CEP97: variants seen among roughly 807,000 people sequenced by gnomAD.
CEP97 encodes centrosomal protein 97.
CEP97 carries 43 observed loss-of-function variants against 73.1 expected under a neutral mutation model. That is an observed-to-expected ratio of 0.59 (90% CI 0.46 to 0.76). CEP97 has a LOEUF of 0.76. CEP97 is among the 30% of genes least tolerant of loss of function. The pLI is 0.00. For synonymous variants in CEP97, 337 were observed against 370.0 expected, an observed-to-expected ratio of 0.91 and a Z score of 1.02; for missense variants, 939 against 1,014.0, an observed-to-expected ratio of 0.93 and a Z score of 1.00.
At chr3:101,739,100 C>T (rs1938367352) in intron 6 of CEP97, among the ~76,000 whole-genome samples, 2 of 152,108 alleles carry the variant, frequency 1.3e-5, no homozygotes, top group Non-Finnish European at 2.9e-5. Context: ...GACACATACA[C>T]CCACCCAAGA....
chr3:101,728,666 A>G (rs1167672292), intron 3 of CEP97, 170 bp from the exon 4 acceptor site: 1 of 593,320 alleles, frequency 1.7e-6, no homozygotes, highest in Non-Finnish European at 3.0e-6. Context: ...TTACAACCTG[A>G]CAATCTACTA....
At chr3:101,750,616 C>A (rs929786876) in intron 6 of CEP97, among the ~76,000 whole-genome samples, 3 of 152,178 alleles carry the variant, frequency 2.0e-5, no homozygotes, top group African/African-American at 7.2e-5. Flanking sequence ...TTCAGAGATT[C>A]AACTTCTTCC....
At chr3:101,754,521 A>T (rs1244838491) in intron 6 of CEP97, among the ~76,000 whole-genome samples, 1 of 152,134 alleles carries the variant, frequency 6.6e-6, no homozygotes, top group Non-Finnish European at 1.5e-5. Flanking sequence ...GCAGCAGTAT[A>T]TTATTATGGC....
chr3:101,735,688 G>A (rs763871128), intron 6 of CEP97, among the ~76,000 whole-genome samples: 23 of 152,136 alleles, frequency 1.5e-4, no homozygotes, highest in Non-Finnish European at 1.3e-4. Flanking sequence ...TTTTCCCATG[G>A]TCTTCACAAC....
At chr3:101,757,594 A>C in intron 8 of CEP97, 40 bp from the exon 9 acceptor site, 9 of 1,531,236 alleles carry the variant, frequency 5.9e-6, no homozygotes, top group Non-Finnish European at 8.0e-6. Context: ...TAAAATGTAA[A>C]CATTTAGTGG....
Position 101,765,775 on chromosome 3 carries a change from T to G in CEP97, c.*224T>G. ...CTGTAAGGTACCAAACTATTTATAT[T>G]GAAAGCTATATGCACTTTATTTCTT... On this transcript the variant is annotated 3_prime_UTR_variant, in exon 11 of 11. Coordinates refer to ENST00000341893, the MANE Select transcript of CEP97 (RefSeq NM_024548.4). 3 of 473,816 alleles carry G rather than the reference T, an allele frequency of 6.3e-6. No individual in the cohort carries two copies. The highest frequency in any genetic ancestry group is 1.1e-5 in the Non-Finnish European group (3 of 268,744). The allele number at this position is 473,816 out of a possible 1,614,324, so 29.4% of individuals were successfully genotyped here.
chr3:101,727,615 T>G, intron 3 of CEP97, 74 bp downstream of exon 3: 1 of 1,410,952 alleles, frequency 7.1e-7, no homozygotes, highest in Non-Finnish European at 9.6e-7. Context: ...ATAAGTCAAA[T>G]TAAAAAGTGA....
intron 6 of CEP97, among the ~76,000 whole-genome samples, chr3:101,750,597 A>G (rs1210090138): frequency 1.3e-5 from 2 of 152,084 alleles, no homozygotes; most frequent in African/African-American, 4.8e-5. Context: ...AGAGCCTGTT[A>G]TTGGTCTGTT....
At chr3:101,740,466 AG>A (rs1023049161) in intron 6 of CEP97, among the ~76,000 whole-genome samples, 5 of 152,230 alleles carry the variant, frequency 3.3e-5, no homozygotes, top group African/African-American at 1.2e-4. Context: ...GAAATAAGAG[AG>A]GACACAAACA....
At chr3:101,726,099 G>T (rs1438848880) in intron 1 of CEP97, among the ~76,000 whole-genome samples, 1 of 151,996 alleles carries the variant, frequency 6.6e-6, no homozygotes, top group Admixed American at 6.6e-5. Context: ...CTATTCATAT[G>T]GTTTCTCTTT....
intron 4 of CEP97, among the ~76,000 whole-genome samples, chr3:101,729,588 A>AT (rs1416042707): frequency 3.3e-5 from 5 of 150,118 alleles, no homozygotes; most frequent in East Asian, 1.9e-4. Context: ...GTCTGTCTTT[A>AT]TTTTTTTTTG....
chr3:101,755,737 G>A (rs1938986611), intron 7 of CEP97, 143 bp downstream of exon 7: 1 of 767,600 alleles, frequency 1.3e-6, no homozygotes, highest in Admixed American at 2.3e-5. Context: ...AACAGTTCCT[G>A]CAGGGAAGCT....
chr3:101,764,971 A>T lies in CEP97; in HGVS notation c.2018A>T (p.Glu673Val). ...CATCCATTATTTACCCAAAGCCAGG[A>T]GTCCTCTTGTGATCAAAATGCTGAT... ...SKHPLFTQSQ[E>V]SSCDQNADWF... Residue 673 changes from glutamate (E) to valine (V), a missense_variant, in exon 11 of 11, where the codon GAG becomes GTG. Coordinates refer to ENST00000341893, the MANE Select transcript of CEP97 (RefSeq NM_024548.4). 6.2e-7 allele frequency: 1 copy of T among 1,614,210 alleles called. No individual in the cohort carries two copies.
chr3:101,753,560 G>T (rs1018049246), intron 6 of CEP97, among the ~76,000 whole-genome samples: 142 of 152,376 alleles, frequency 9.3e-4, no homozygotes, highest in African/African-American at 3.0e-3. Flanking sequence ...GCTCCACCCA[G>T]TTCGGGCTTC....
chr3:101,763,685 T>C (rs945358519), intron 10 of CEP97, among the ~76,000 whole-genome samples: 1 of 152,214 alleles, frequency 6.6e-6, no homozygotes, highest in African/African-American at 2.4e-5. Flanking sequence ...CTTTAGAAAT[T>C]AGGGGTCATA....
intron 6 of CEP97, among the ~76,000 whole-genome samples, chr3:101,744,048 A>G (rs1014964340): frequency 1.3e-5 from 2 of 151,996 alleles, no homozygotes; most frequent in Non-Finnish European, 2.9e-5. Context: ...ATGTGGTGCA[A>G]TTGGAATGCT....
In CEP97 at chr3:101,769,839, C is replaced by G. The variant is rs1939416303; in HGVS notation, c.*4288C>G. Reference sequence around the variant, plus strand: ...GCTTTTACTGATCAAGCTTGTTGTGCCATATTAAAATTAAAAGTCAAATAA... The same window carrying G: ...GCTTTTACTGATCAAGCTTGTTGTGGCATATTAAAATTAAAAGTCAAATAA... On this transcript the variant is annotated 3_prime_UTR_variant, in exon 11 of 11. Coordinates refer to ENST00000341893, the MANE Select transcript of CEP97 (RefSeq NM_024548.4). The G allele has an allele frequency of 6.6e-6, 1 of 152,058 alleles. No individual in the cohort carries two copies. Among genetic ancestry groups the G allele is most frequent in the Admixed American group, 6.5e-5 (1 of 15,270 alleles). The allele number at this position is 152,058 out of a possible 1,614,324, so 9.4% of individuals were successfully genotyped here.
intron 1 of CEP97, 48 bp from the exon 2 acceptor site, chr3:101,726,546 C>T: frequency 6.8e-7 from 1 of 1,463,544 alleles, no homozygotes; most frequent in Non-Finnish European, 9.2e-7. Flanking sequence ...AGCTGTTGTA[C>T]ATGTTTTATT....
At chr3:101,748,636 G>C (rs1173570008) in intron 6 of CEP97, among the ~76,000 whole-genome samples, 2 of 152,090 alleles carry the variant, frequency 1.3e-5, no homozygotes, top group Admixed American at 6.6e-5. Context: ...ATGTTTCCAT[G>C]GAAGAATACT....
Sources: gnomAD v4.1 joint callset for allele counts (sites outside exome capture counted in the v4.1 genomes callset) on GRCh38, gnomAD v4.1.1 for gene constraint, MANE v1.5 for transcripts, NCBI Gene and HGNC (gene_info 2026-07-23, HGNC 2026-07-21) for gene names.